SMC6: variants seen among roughly 807,000 people sequenced by gnomAD.
SMC6 encodes the protein structural maintenance of chromosomes protein 6.
Under a neutral mutation model 142.2 loss-of-function variants are expected in SMC6, and 79 were observed. The ratio of observed to expected loss-of-function variants is 0.56; its 90% CI spans 0.46 to 0.67. The LOEUF (loss-of-function observed/expected upper bound fraction) is 0.67. SMC6 is among the 30% of genes least tolerant of loss of function. The probability of loss-of-function intolerance (pLI) is 0.00; values close to 1 mark genes in which losing one functional copy is unlikely to be tolerated. For synonymous variants in SMC6, 411 were observed against 412.4 expected, an observed-to-expected ratio of 1.00 and a Z score of 0.04; for missense variants, 1,072 against 1,284.0, an observed-to-expected ratio of 0.83 and a Z score of 2.52.
At position 17,678,842 on chromosome 2, in the gene SMC6, A is replaced by G; in HGVS notation, c.2910+17T>C. 1 of 1,508,480 alleles carries G rather than the reference A, an allele frequency of 6.6e-7. No homozygotes were observed. The highest frequency in any genetic ancestry group is 9.1e-7 in the Non-Finnish European group (1 of 1,102,132). 93.4% of individuals were successfully genotyped at this position (1,508,480 alleles called of 1,614,324 possible). The stretch of plus-strand genomic sequence containing the variant: ...AGTTTTTCTAATGATTAGGATGAAA[A>G]GAATTAGGATACTTACTGATATACT... On this transcript the variant is annotated intron_variant, in intron 25 of 27. Coordinates refer to ENST00000448223, the MANE Select transcript of SMC6 (RefSeq NM_001142286.2).
chr2:17,684,958 T>G (rs540441397), intron 23 of SMC6, among the ~76,000 whole-genome samples: 2 of 142,934 alleles, frequency 1.4e-5, no homozygotes, highest in Non-Finnish European at 3.1e-5. Context: ...ACAAGAGGAG[T>G]AGGTAAAGCA....
intron 25 of SMC6, among the ~76,000 whole-genome samples, chr2:17,673,050 C>T (rs1666838794): frequency 6.6e-6 from 1 of 152,140 alleles, no homozygotes; most frequent in South Asian, 2.1e-4. Flanking sequence ...GTTGCAATTC[C>T]ACATCCTCAC....
At chr2:17,731,940 C>A in intron 5 of SMC6, 63 bp from the exon 6 acceptor site, 1 of 1,511,242 alleles carries the variant, frequency 6.6e-7, no homozygotes, top group Non-Finnish European at 8.9e-7. Flanking sequence ...ACTAGGTTGC[C>A]ACAGTTTTCA....
chr2:17,724,997 T>C (rs887854566), intron 9 of SMC6, among the ~76,000 whole-genome samples: 1 of 152,192 alleles, frequency 6.6e-6, no homozygotes, highest in African/African-American at 2.4e-5. Flanking sequence ...AGGATAAGTA[T>C]GTAAGATACT....
chr2:17,731,326 C>T (rs890110923), intron 6 of SMC6, among the ~76,000 whole-genome samples, 187 bp from the exon 7 acceptor site: 9 of 152,204 alleles, frequency 5.9e-5, no homozygotes, highest in African/African-American at 1.7e-4. Context: ...TACCCACATG[C>T]AATAATGGTG....
At chr2:17,692,940 A>C (rs1184712281) in intron 23 of SMC6, among the ~76,000 whole-genome samples, 1 of 152,226 alleles carries the variant, frequency 6.6e-6, no homozygotes, top group Non-Finnish European at 1.5e-5. Context: ...ATGCAGCCAA[A>C]AGACGCATGA....
intron 2 of SMC6, among the ~76,000 whole-genome samples, chr2:17,747,212 G>A (rs1670795913): frequency 6.6e-6 from 1 of 152,200 alleles, no homozygotes; most frequent in African/African-American, 2.4e-5. Flanking sequence ...AGGAGGCCTA[G>A]TGGAAAGTCG....
rs557760430 is a variant in SMC6, at chr2:17,682,748, C to G, written c.2804+890G>C. Among the ~76,000 whole-genome samples the G allele has an allele frequency of 2.0e-3, 311 of 152,102 alleles. 1 individual carries two copies. The highest frequency in any genetic ancestry group is 7.3e-3 in the African/African-American group (303 of 41,464). ...CAACGGCTGCTCTAATCTCATCTAA[C>G]AAGGCTAAAAGTAGCCTCAAAAGGG... is the stretch of plus-strand genomic sequence containing the variant. On this transcript the variant is annotated intron_variant, in intron 24 of 27. Transcript: ENST00000448223.
chr2:17,709,566 A>T lies in SMC6; in HGVS notation c.1731-813T>A, dbSNP rs182573724. Among the ~76,000 whole-genome samples the T allele has an allele frequency of 1.2e-3, 186 of 152,290 alleles. 1 individual carries two copies. The highest frequency in any genetic ancestry group is 1.4e-3 in the Non-Finnish European group (92 of 68,000). On this transcript the variant is annotated intron_variant, in intron 16 of 27. Coordinates refer to ENST00000448223, the MANE Select transcript of SMC6 (RefSeq NM_001142286.2). ...TCCAAAACAAAGTATCTTTGCATACATGTTTTATACCTATTCATCCATTAA... is the reference window on the plus strand; with the variant it reads ...TCCAAAACAAAGTATCTTTGCATACTTGTTTTATACCTATTCATCCATTAA...
chr2:17,725,124 T>C (rs1669550832), intron 9 of SMC6, 133 bp downstream of exon 9: 3 of 622,106 alleles, frequency 4.8e-6, no homozygotes, highest in Admixed American at 6.8e-5. Flanking sequence ...ACATTGCATA[T>C]ACTTCAGAGT....
At chr2:17,703,072 G>T in intron 19 of SMC6, 85 bp downstream of exon 19, 2 of 843,610 alleles carry the variant, frequency 2.4e-6, no homozygotes, top group East Asian at 2.8e-5. Flanking sequence ...AGAATTGCTT[G>T]GAGTCAATAA....
chr2:17,684,094 G>T (rs916210409), intron 23 of SMC6, among the ~76,000 whole-genome samples: 1 of 152,138 alleles, frequency 6.6e-6, no homozygotes, highest in African/African-American at 2.4e-5. Context: ...AAGGGAAGGG[G>T]TCACACTGGA....
intron 23 of SMC6, among the ~76,000 whole-genome samples, chr2:17,686,941 T>C (rs1667482274): frequency 6.6e-6 from 1 of 152,216 alleles, no homozygotes; most frequent in Admixed American, 6.5e-5. Context: ...ACCTTCAGGC[T>C]ATGTGTATAA....
intron 23 of SMC6, among the ~76,000 whole-genome samples, chr2:17,686,392 G>T (rs1486747218): frequency 6.6e-6 from 1 of 152,198 alleles, no homozygotes; most frequent in Non-Finnish European, 1.5e-5. Context: ...TGAGGCAGGA[G>T]AATTGCTTGA....
intron 17 of SMC6, 81 bp from the exon 18 acceptor site, chr2:17,707,460 C>A: frequency 1.2e-6 from 1 of 813,334 alleles, no homozygotes; most frequent in Non-Finnish European, 1.7e-6. Context: ...TGTTACTCGT[C>A]CTTATTATTT....
intron 26 of SMC6, among the ~76,000 whole-genome samples, chr2:17,670,181 C>T (rs952248084): frequency 2.0e-5 from 3 of 152,034 alleles, no homozygotes; most frequent in African/African-American, 4.8e-5. Flanking sequence ...ATGGAAGGCA[C>T]GGATATCCAT....
chr2:17,745,100 C>A (rs1289675321), intron 3 of SMC6, among the ~76,000 whole-genome samples: 3 of 152,176 alleles, frequency 2.0e-5, no homozygotes, highest in Non-Finnish European at 2.9e-5. Flanking sequence ...AACTACATTG[C>A]TGAATTCTCC....
intron 7 of SMC6, among the ~76,000 whole-genome samples, chr2:17,729,269 C>T (rs1457060448): frequency 6.6e-6 from 1 of 152,178 alleles, no homozygotes; most frequent in African/African-American, 2.4e-5. Flanking sequence ...TCTTCAAGTG[C>T]TCCACACAGC....
At chr2:17,679,124 C>T (rs1667130287) in intron 24 of SMC6, 160 bp from the exon 25 acceptor site, 2 of 517,290 alleles carry the variant, frequency 3.9e-6, no homozygotes, top group South Asian at 3.3e-5. Context: ...TATTTTTTGC[C>T]TTGTGTCTTT....
Sources: gnomAD v4.1 joint callset for allele counts (sites outside exome capture counted in the v4.1 genomes callset) on GRCh38, gnomAD v4.1.1 for gene constraint, MANE v1.5 for transcripts, NCBI Gene and HGNC (gene_info 2026-07-23, HGNC 2026-07-21) for gene names.